Variants in AKR1C4 observed in about 807,000 individuals in gnomAD.
AKR1C4 encodes 3-alpha-HSD1.
In AKR1C4, 44 loss-of-function variants were observed where a neutral mutation model predicts 41.0. That is an observed-to-expected ratio of 1.07 (90% confidence interval 0.84 to 1.38). The LOEUF (loss-of-function observed/expected upper bound fraction) is 1.38. Among genes scored for constraint, AKR1C4 ranks in the 40% most tolerant of loss-of-function variants. The pLI, the probability that AKR1C4 is intolerant of heterozygous loss-of-function variation, is 0.00. For synonymous variants in AKR1C4, 165 were observed against 137.7 expected (o/e 1.20, Z -1.39); for missense variants, 438 against 387.9 (o/e 1.13, Z -1.09).
intron 8 of AKR1C4, among the ~76,000 whole-genome samples, 161 bp from the exon 9 acceptor site, chr10:5,218,554 AAAC>A (rs1205290728): frequency 6.6e-6 from 1 of 151,758 alleles, no homozygotes; most frequent in Non-Finnish European, 1.5e-5. Flanking sequence ...AAAAAAAAAA[AAAC>A]ACATTATAAA....
intron 2 of AKR1C4, 49 bp downstream of exon 2, chr10:5,200,397 T>C: frequency 8.3e-6 from 13 of 1,558,340 alleles, no homozygotes; most frequent in Non-Finnish European, 1.1e-5. Flanking sequence ...AATGGGATTG[T>C]GTGGAGATGA....
chr10:5,210,580 A>C (rs1218667912), intron 5 of AKR1C4, among the ~76,000 whole-genome samples: 2 of 148,922 alleles, frequency 1.3e-5, no homozygotes, highest in African/African-American at 5.0e-5. Flanking sequence ...AAAATCTGAA[A>C]TCTAGGTGGA....
chr10:5,208,683 G>T (rs923321536), intron 5 of AKR1C4, among the ~76,000 whole-genome samples: 8 of 151,398 alleles, frequency 5.3e-5, no homozygotes, highest in Non-Finnish European at 1.2e-4. Context: ...TAACAATAAT[G>T]CCCTCATATC....
At chr10:5,205,225 C>T (rs1325408044) in intron 3 of AKR1C4, among the ~76,000 whole-genome samples, 2 of 152,164 alleles carry the variant, frequency 1.3e-5, no homozygotes, top group East Asian at 3.8e-4. Context: ...TGATTGTTGG[C>T]AATGATAGCT....
intron 2 of AKR1C4, among the ~76,000 whole-genome samples, chr10:5,200,592 A>G (rs1465241427): frequency 1.3e-5 from 2 of 152,242 alleles, no homozygotes; most frequent in Non-Finnish European, 2.9e-5. Context: ...TCAGATCAGT[A>G]TAATTATTTT....
At chr10:5,216,364 CCAT>C (rs1832657648) in intron 7 of AKR1C4, among the ~76,000 whole-genome samples, 1 of 152,156 alleles carries the variant, frequency 6.6e-6, no homozygotes, top group Admixed American at 6.5e-5. Flanking sequence ...AATTGTATCA[CCAT>C]CAAACTGTCT....
chr10:5,201,542 T>G (rs1023849463), intron 2 of AKR1C4, among the ~76,000 whole-genome samples: 3 of 152,182 alleles, frequency 2.0e-5, no homozygotes, highest in Non-Finnish European at 4.4e-5. Flanking sequence ...CTTTCTTCCA[T>G]TCTGTAGGTT....
At chr10:5,203,633 T>C (rs1010088113) in intron 2 of AKR1C4, among the ~76,000 whole-genome samples, 3 of 152,166 alleles carry the variant, frequency 2.0e-5, no homozygotes, top group Non-Finnish European at 4.4e-5. Context: ...TTTCAAAGGG[T>C]CTGTGAATTT....
intron 7 of AKR1C4, among the ~76,000 whole-genome samples, chr10:5,213,857 G>C (rs1489239594): frequency 1.3e-5 from 2 of 152,006 alleles, no homozygotes; most frequent in African/African-American, 4.8e-5. Flanking sequence ...ATGTATTGTT[G>C]AAATAGCCTC....
intron 5 of AKR1C4, among the ~76,000 whole-genome samples, chr10:5,212,216 C>A (rs1012295623): frequency 1.3e-5 from 2 of 152,170 alleles, no homozygotes; most frequent in African/African-American, 4.8e-5. Flanking sequence ...TTTTGATGCT[C>A]AAATCTATGC....
Position 5,204,463 on chromosome 10 carries a change from C to CTA in AKR1C4, c.341_342dup (p.Leu115IlefsTer24), listed in dbSNP as rs782216757. 1.2e-6 allele frequency: 2 copies of CTA among 1,613,534 alleles called. No homozygotes were observed. The highest frequency in any genetic ancestry group is 1.7e-6 in the Non-Finnish European group (2 of 1,179,498). On this transcript the variant is annotated frameshift_variant, in exon 3 of 9. Coordinates refer to ENST00000263126, the MANE Select transcript of AKR1C4 (RefSeq NM_001818.5). LOFTEE classifies it high-confidence loss of function. Reference sequence around the variant, plus strand: ...AACTTCAACTGGACTATGTTGACCTCTATCTTCTTCATTTCCCAATGGCTC... The same window carrying CTA: ...AACTTCAACTGGACTATGTTGACCTCTATATCTTCTTCATTTCCCAATGGCTC...
intron 5 of AKR1C4, among the ~76,000 whole-genome samples, chr10:5,210,145 A>G (rs1437438447): frequency 6.6e-6 from 1 of 152,180 alleles, no homozygotes; most frequent in Non-Finnish European, 1.5e-5. Flanking sequence ...GACCCATGCA[A>G]GTCTGAAATC....
chr10:5,205,549 T>C (rs1832470724), intron 3 of AKR1C4, among the ~76,000 whole-genome samples: 2 of 152,170 alleles, frequency 1.3e-5, no homozygotes, highest in Admixed American at 6.5e-5. Flanking sequence ...TGGTTATTAA[T>C]ATATATAATG....
At chr10:5,205,372 A>G (rs1348340249) in intron 3 of AKR1C4, among the ~76,000 whole-genome samples, 5 of 152,222 alleles carry the variant, frequency 3.3e-5, no homozygotes, top group Non-Finnish European at 7.3e-5. Flanking sequence ...TCAAGTCTTC[A>G]GGGGGATAAG....
chr10:5,205,710 G>T, intron 3 of AKR1C4, 47 bp from the exon 4 acceptor site: 2 of 1,534,268 alleles, frequency 1.3e-6, no homozygotes, highest in Non-Finnish European at 1.8e-6. Flanking sequence ...CATGCCTATG[G>T]GTGGAAAAGT....
chr10:5,217,725 A>G (rs1022040058), intron 8 of AKR1C4, among the ~76,000 whole-genome samples: 10 of 152,214 alleles, frequency 6.6e-5, no homozygotes, highest in Non-Finnish European at 1.5e-4. Context: ...ATGCCACTGC[A>G]CTCCAGCCTG....
chr10:5,211,730 CA>C (rs1832578203), intron 5 of AKR1C4, among the ~76,000 whole-genome samples: 1 of 152,186 alleles, frequency 6.6e-6, no homozygotes, highest in Non-Finnish European at 1.5e-5. Flanking sequence ...AACAATGCCC[CA>C]CTCTACCATA....
At chr10:5,200,046 A>G (rs917859519) in intron 1 of AKR1C4, 135 bp from the exon 2 acceptor site, 73 of 1,083,274 alleles carry the variant, frequency 6.7e-5, no homozygotes, top group Non-Finnish European at 8.3e-5. Context: ...GCTCCCCTAG[A>G]GGTCTGAGCA....
intron 6 of AKR1C4, 120 bp downstream of exon 6, chr10:5,212,845 T>C (rs889012661): frequency 1.4e-5 from 19 of 1,393,858 alleles, no homozygotes; most frequent in Admixed American, 9.0e-5. Flanking sequence ...TAATTTGCAT[T>C]TCTTATGAGA....
Sources: allele counts gnomAD v4.1 joint callset (sites outside exome capture counted in the v4.1 genomes callset), GRCh38; gene constraint gnomAD v4.1.1; transcripts MANE v1.5; gene names NCBI Gene and HGNC (gene_info 2026-07-23, HGNC 2026-07-21).